Variants in FRMPD1 observed in about 807,000 individuals in gnomAD.
FRMPD1 encodes the protein FERM and PDZ domain-containing protein 1.
FRMPD1 carries 76 observed loss-of-function variants against 117.8 expected under a neutral mutation model. That is an observed-to-expected ratio of 0.65 (90% CI 0.54 to 0.78). The LOEUF (loss-of-function observed/expected upper bound fraction) is 0.78. Ranked by LOEUF, FRMPD1 falls within the 30% of genes least tolerant of loss-of-function variation. The pLI, the probability that FRMPD1 is intolerant of heterozygous loss-of-function variation, is 0.00. For missense variants in FRMPD1, 1,786 were observed against 1,964.5 expected (o/e 0.91, Z 1.72); for synonymous variants, 783 against 770.4 (o/e 1.02, Z -0.27).
chr9:37,738,959 TG>T (rs1563960511), intron 14 of FRMPD1, among the ~76,000 whole-genome samples: 2 of 151,776 alleles, frequency 1.3e-5, no homozygotes, highest in East Asian at 3.9e-4. Context: ...AAGGCTGCCA[TG>T]GGGGACTGGG....
the FRMPD1 span, among the ~76,000 whole-genome samples, chr9:37,621,793 G>A: frequency 6.6e-6 from 1 of 152,274 alleles, no homozygotes; most frequent in East Asian, 1.9e-4. Flanking sequence ...GGAGTGAATA[G>A]GCCCCAGCAG....
chr9:37,639,272 A>T, the FRMPD1 span, among the ~76,000 whole-genome samples: 4 of 151,820 alleles, frequency 2.6e-5, no homozygotes, highest in African/African-American at 4.8e-5. Flanking sequence ...ACTAACAAAA[A>T]CTCAGCTTTG....
chr9:37,624,625 T>C, the FRMPD1 span, among the ~76,000 whole-genome samples: 1 of 152,230 alleles, frequency 6.6e-6, no homozygotes, highest in Non-Finnish European at 1.5e-5. Flanking sequence ...ATCTGTAGAA[T>C]GATGATATTA....
upstream of FRMPD1, among the ~76,000 whole-genome samples, chr9:37,649,354 G>C (rs1338165277): frequency 6.6e-6 from 1 of 152,074 alleles, no homozygotes; most frequent in African/African-American, 2.4e-5. Context: ...TTCCACTATG[G>C]CTTCAGAATC....
At chr9:37,673,453 G>A (rs1223277502) in intron 1 of FRMPD1, among the ~76,000 whole-genome samples, 3 of 152,188 alleles carry the variant, frequency 2.0e-5, no homozygotes, top group Non-Finnish European at 4.4e-5. Flanking sequence ...GAGTGTCTGC[G>A]GCTTTTCTAG....
At chr9:37,653,770 C>A (rs868308671) in intron 1 of FRMPD1, among the ~76,000 whole-genome samples, 4 of 151,280 alleles carry the variant, frequency 2.6e-5, no homozygotes, top group Middle Eastern at 7.0e-3. Context: ...ACCTGGGTAG[C>A]ATAGTGAGAC....
the FRMPD1 span, among the ~76,000 whole-genome samples, chr9:37,605,962 C>T: frequency 2.6e-5 from 4 of 152,156 alleles, no homozygotes; most frequent in Non-Finnish European, 4.4e-5. Context: ...CCACCTCAGC[C>T]TCCCACATAG....
chr9:37,644,798 C>G, the FRMPD1 span, among the ~76,000 whole-genome samples: 126 of 152,214 alleles, frequency 8.3e-4, 2 homozygotes, highest in Non-Finnish European at 3.7e-4. Context: ...ACTCAAGCAG[C>G]TGTTGAGAGA....
chr9:37,740,261 C>T lies in FRMPD1; in HGVS notation c.1733C>T (p.Ala578Val), dbSNP rs1388819970. 1.9e-6 allele frequency: 3 copies of T among 1,613,748 alleles called. No homozygotes were observed. Among genetic ancestry groups the T allele is most frequent in the African/African-American group, 1.3e-5 (1 of 74,906 alleles). Residue 578 changes from alanine to valine, a missense_variant, in exon 15 of 16, where the codon GCC becomes GTC. Ala to Val is a moderately conservative substitution (Grantham distance 64). Transcript: ENST00000377765. The surrounding 1 kb of genome is among the most constrained non-coding windows in gnomAD (Gnocchi z 4.2). ...AGGAGGGGCCCCAGCACCTGCGGGGCCAGCAGCACGACAGACAGTGCCGAG... is the reference window on the plus strand; with the variant it reads ...AGGAGGGGCCCCAGCACCTGCGGGGTCAGCAGCACGACAGACAGTGCCGAG... ...VARRGPSTCG[A>V]SSTTDSAESE...
At chr9:37,664,817 A>C (rs1028745443) in intron 1 of FRMPD1, among the ~76,000 whole-genome samples, 1 of 152,208 alleles carries the variant, frequency 6.6e-6, no homozygotes. Flanking sequence ...ATTAGGGGTG[A>C]CTGAGTAATT....
chr9:37,696,051 CTTTTTTTT>C (rs61521469), intron 2 of FRMPD1, among the ~76,000 whole-genome samples: 1 of 78,126 alleles, frequency 1.3e-5, no homozygotes, highest in Non-Finnish European at 2.4e-5. Flanking sequence ...CATTGTTTTG[CTTTTTTTT>C]TTTTTTTTTT....
the FRMPD1 span, among the ~76,000 whole-genome samples, chr9:37,643,321 T>C: frequency 1.3e-5 from 2 of 152,210 alleles, no homozygotes; most frequent in African/African-American, 2.4e-5. Context: ...CATTTGGTAC[T>C]ATTATTTGCA....
intron 5 of FRMPD1, among the ~76,000 whole-genome samples, chr9:37,718,725 A>G (rs989027868): frequency 6.6e-6 from 1 of 152,196 alleles, no homozygotes; most frequent in Non-Finnish European, 1.5e-5. Flanking sequence ...TTTCTTTCAT[A>G]AGAATTTGAG....
upstream of FRMPD1, among the ~76,000 whole-genome samples, chr9:37,649,151 ATCTTAC>A (rs1397314020): frequency 3.3e-5 from 5 of 152,230 alleles, no homozygotes. Context: ...AATAGTTCTT[ATCTTAC>A]TTTCTGACAA....
At chr9:37,637,976 C>T in the FRMPD1 span, among the ~76,000 whole-genome samples, 1 of 98,654 alleles carries the variant, frequency 1.0e-5, no homozygotes, top group African/African-American at 3.8e-5. Context: ...TTCTTTCTTT[C>T]TTTCTTTCTT....
At chr9:37,663,165 A>G (rs1821050537) in intron 1 of FRMPD1, among the ~76,000 whole-genome samples, 1 of 152,206 alleles carries the variant, frequency 6.6e-6, no homozygotes, top group African/African-American at 2.4e-5. Flanking sequence ...TTTCTTTTGT[A>G]GCTGGACTAG....
chr9:37,746,733 T>C lies in FRMPD1; in HGVS notation c.4701T>C (p.Cys1567=). 1.2e-6 allele frequency: 2 copies of C among 1,614,062 alleles called. No homozygotes were observed. The highest frequency in any genetic ancestry group is 1.7e-6 in the Non-Finnish European group (2 of 1,180,034). ...QCTALTAAVF[C]LTQKFRASTA... ...CGGCCCTCACGGCCGCCGTGTTCTG[T>C]TTGACCCAGAAGTTCCGGGCATCCA... Residue 1567 remains cysteine, a synonymous_variant, in exon 16 of 16, where the codon TGT becomes TGC. Transcript: ENST00000377765.
chr9:37,637,418 A>G, the FRMPD1 span: 1 of 648,536 alleles, frequency 1.5e-6, no homozygotes, highest in Non-Finnish European at 2.8e-6. Flanking sequence ...AATAAAATTC[A>G]CCCTTTTTAG....
chr9:37,607,566 T>C, the FRMPD1 span, among the ~76,000 whole-genome samples: 1 of 152,210 alleles, frequency 6.6e-6, no homozygotes, highest in South Asian at 2.1e-4. Flanking sequence ...ACAAGGTCTG[T>C]GATTGTATGT....
Sources: gnomAD v4.1 joint callset for allele counts (sites outside exome capture counted in the v4.1 genomes callset) on GRCh38, gnomAD v4.1.1 for gene constraint, Gnocchi (gnomAD v3.1) non-coding constraint, MANE v1.5 for transcripts, NCBI Gene and HGNC (gene_info 2026-07-23, HGNC 2026-07-21) for gene names.